Variants in MUC5AC observed in about 807,000 individuals in gnomAD.
MUC5AC encodes the protein mucin 5AC, oligomeric mucus/gel-forming.
Under a neutral mutation model 169.7 loss-of-function variants are expected in MUC5AC, and 158 were observed. The ratio of observed to expected loss-of-function variants is 0.93; its 90% CI spans 0.82 to 1.06. The LOEUF is 1.06. Ranked by LOEUF, MUC5AC falls within the 50% of genes least tolerant of loss-of-function variation. MUC5AC has a pLI of 0.00. For missense variants in MUC5AC, 4,359 were observed against 3,089.9 expected, an observed-to-expected ratio of 1.41 and a Z score of -9.74; for synonymous variants, 1,975 against 1,237.0, an observed-to-expected ratio of 1.60 and a Z score of -12.52.
At position 1,182,782 on chromosome 11, in the gene MUC5AC, C is replaced by T. The variant is rs878939470; in HGVS notation, c.4637C>T (p.Pro1546Leu). ...TFSTPSPPPV[P>L]ATSTSSMSTT... ...TCAACTCCCAGCCCTCCGCCAGTGCCGGCAACATCAACATCATCCATGTCG... is the reference window on the plus strand; with the variant it reads ...TCAACTCCCAGCCCTCCGCCAGTGCTGGCAACATCAACATCATCCATGTCG... Residue 1546 changes from proline to leucine, a missense_variant, in exon 31 of 49, where the codon CCG (proline) becomes CTG (leucine). Coordinates refer to ENST00000621226, the MANE Select transcript of MUC5AC (RefSeq NM_001304359.2). 4.0e-5 allele frequency: 16 copies of T among 397,894 alleles called. No homozygotes were observed. The highest frequency in any genetic ancestry group is 2.7e-5 in the Non-Finnish European group (6 of 225,912). The allele number at this position is 397,894 out of a possible 1,614,324, so 24.6% of individuals were successfully genotyped here.
At chr11:1,172,243 G>A (rs1860566987) in intron 15 of MUC5AC, among the ~76,000 whole-genome samples, 186 bp from the exon 16 acceptor site, 2 of 152,238 alleles carry the variant, frequency 1.3e-5, no homozygotes, top group South Asian at 4.1e-4. Context: ...TGTACCCTGC[G>A]TTTGGGGGAG....
chr11:1,195,647 G>A (rs1861251924), intron 36 of MUC5AC, among the ~76,000 whole-genome samples: 1 of 145,854 alleles, frequency 6.9e-6, no homozygotes, highest in African/African-American at 2.6e-5. Flanking sequence ...CCAGGAAGAA[G>A]AACTTGCAGA....
chr11:1,193,555 G>T lies in MUC5AC; in HGVS notation c.14651G>T (p.Arg4884Leu), dbSNP rs561191121. 2 of 764,056 alleles carry T rather than the reference G, an allele frequency of 2.6e-6. No individual in the cohort carries two copies. The highest frequency in any genetic ancestry group is 2.4e-5 in the East Asian group (1 of 41,204). 47.3% of individuals were successfully genotyped at this position (764,056 alleles called of 1,614,324 possible). The stretch of plus-strand genomic sequence containing the variant: ...GAGGGCAACAACGTCATCTCCCTGC[G>T]CCCGCGCACGTGCCCGAGGGTGGAG... ...TCEGNNVISLRPRTCPRVEKP... is the reference protein window; with the variant it reads ...TCEGNNVISLLPRTCPRVEKP... The change falls in exon 33 of 49, where the codon CGC becomes CTC. Residue 4884 changes from arginine to leucine, a missense_variant. By Grantham distance (102) the Arg-to-Leu change is moderately radical. Transcript: ENST00000621226.
In MUC5AC at chr11:1,162,542, C is replaced by A; in HGVS notation, c.484C>A (p.Pro162Thr). Reference sequence around the variant, plus strand: ...TGCCTTCCTCCACAGGGTCCTGCTGCCCTTCAGCCAGTCTGGGGTCCTCAT... The same window carrying A: ...TGCCTTCCTCCACAGGGTCCTGCTGACCTTCAGCCAGTCTGGGGTCCTCAT... ...VLVNGHPVLL[P>T]FSQSGVLIQQ... The change falls in exon 5 of 49, where the codon CCC becomes ACC. Residue 162 changes from proline to threonine, a missense_variant. Physicochemically the swap from Pro to Thr is conservative, Grantham distance 38. Transcript: ENST00000621226. 6.2e-7 allele frequency: 1 copy of A among 1,612,606 alleles called. No homozygotes were observed. The highest frequency in any genetic ancestry group is 8.5e-7 in the Non-Finnish European group (1 of 1,179,804).
intron 7 of MUC5AC, 33 bp downstream of exon 7, chr11:1,164,024 G>C (rs1860228189): frequency 6.2e-7 from 1 of 1,609,308 alleles, no homozygotes; most frequent in African/African-American, 1.3e-5. Flanking sequence ...GGCCCAGCAG[G>C]TTGAGCAGGA....
In MUC5AC at chr11:1,189,855, A is replaced by G; in HGVS notation, c.11710A>G (p.Thr3904Ala). Residue 3904 changes from threonine (T) to alanine (A), a missense_variant, in exon 31 of 49, where the codon ACC becomes GCC. By Grantham distance (58) the Thr-to-Ala change is moderately conservative. Coordinates refer to ENST00000621226, the MANE Select transcript of MUC5AC (RefSeq NM_001304359.2). Reference sequence around the variant, plus strand: ...AAGCTCCACTCCACAGACCAGCAAAACCTCAGCTGCTACAAGCAGCACAAC... The same window carrying G: ...AAGCTCCACTCCACAGACCAGCAAAGCCTCAGCTGCTACAAGCAGCACAAC... ...STSSTPQTSK[T>A]SAATSSTTSG... 1.3e-6 allele frequency: 1 copy of G among 763,042 alleles called. No homozygotes were observed. The highest frequency in any genetic ancestry group is 2.4e-6 in the Non-Finnish European group (1 of 416,798). The allele number at this position is 763,042 out of a possible 1,614,324, so 47.3% of individuals were successfully genotyped here.
chr11:1,168,578 C>T (rs768547886), intron 13 of MUC5AC, 26 bp downstream of exon 13: 2 of 1,612,406 alleles, frequency 1.2e-6, no homozygotes, highest in Non-Finnish European at 8.5e-7. Flanking sequence ...TCTTCCCCAC[C>T]CCGGGGCTGC....
intron 15 of MUC5AC, among the ~76,000 whole-genome samples, chr11:1,171,315 C>A (rs1860518765): frequency 7.5e-6 from 1 of 132,780 alleles, no homozygotes. Flanking sequence ...CCTACTCACT[C>A]AGTCACCTCA....
chr11:1,180,767 G>C (rs1860798691), intron 28 of MUC5AC, among the ~76,000 whole-genome samples: 1 of 152,142 alleles, frequency 6.6e-6, no homozygotes, highest in African/African-American at 2.4e-5. Context: ...ACAACCTCTG[G>C]GGAGCAGGCT....
chr11:1,179,382 G>C lies in MUC5AC; in HGVS notation c.3484+134G>C, dbSNP rs929326359. ...AAATAAACAGAAACACCTGGGCCCA[G>C]AGAGGAGGGCGTGGCTGACAGAGGG... is the stretch of plus-strand genomic sequence containing the variant. On this transcript the variant is annotated intron_variant, in intron 26 of 48. Transcript: ENST00000621226. The C allele has an allele frequency of 2.6e-4, 122 of 471,770 alleles. 1 individual carries two copies. The Middle Eastern group carries it at 3.8e-3, about 15-fold the overall frequency. 29.2% of individuals were successfully genotyped at this position (471,770 alleles called of 1,614,324 possible). A position where few individuals can be genotyped will look rare whatever the true frequency, so the allele number is the denominator to read the frequency against.
At position 1,190,368 on chromosome 11, in the gene MUC5AC, A is replaced by C; in HGVS notation, c.12223A>C (p.Thr4075Pro). The change falls in exon 31 of 49, where the codon ACC becomes CCC. Residue 4075 changes from threonine (T) to proline (P), a missense_variant. Transcript: ENST00000621226. ...TCCTAGCACCCCTAGTGGGAGAGCC[A>C]CCAGCCCAACTCAGAGCACTTCCTC... The part of the protein sequence containing the change: ...TAPSTPSGRA[T>P]SPTQSTSSWQ... The C allele has an allele frequency of 1.5e-6, 1 of 652,552 alleles. No individual in the cohort carries two copies. Among genetic ancestry groups the C allele is most frequent in the African/African-American group, 1.8e-5 (1 of 55,760 alleles). 40.4% of individuals were successfully genotyped at this position (652,552 alleles called of 1,614,324 possible). A position where few individuals can be genotyped will look rare whatever the true frequency, so the allele number is the denominator to read the frequency against.
chr11:1,199,927 G>C lies in MUC5AC; in HGVS notation c.16658G>C (p.Arg5553Pro), dbSNP rs374285103. The change falls in exon 48 of 49, where the codon CGC (arginine) becomes CCC (proline). Residue 5553 changes from arginine to proline, a missense_variant. Transcript: ENST00000621226. ...QQGCSSSEPV[R>P]LAYCRGNCGD... ...GGCTGCAGCTCCTCGGAGCCCGTGC[G>C]CCTGGCTTACTGCCGGGGGAACTGT... The C allele has an allele frequency of 2.1e-5, 16 of 764,230 alleles. No individual in the cohort carries two copies. Among genetic ancestry groups the C allele is most frequent in the Non-Finnish European group, 3.6e-5 (15 of 417,580 alleles). 47.3% of individuals were successfully genotyped at this position (764,230 alleles called of 1,614,324 possible).
Position 1,185,165 on chromosome 11 carries a change from A to G in MUC5AC, c.7020A>G (p.Thr2340=), listed in dbSNP as rs1860905836. ...TSTTSAPTSS[T]TSGPGTTPSP... ...CAACCTCTGCCCCTACAAGCAGCAC[A>G]ACCTCTGGTCCTGGAACTACTCCCA... Residue 2340 remains threonine, a synonymous_variant, in exon 31 of 49, where the codon ACA becomes ACG. Coordinates refer to ENST00000621226, the MANE Select transcript of MUC5AC (RefSeq NM_001304359.2). The G allele has an allele frequency of 2.1e-5, 15 of 730,904 alleles. No individual in the cohort carries two copies. The highest frequency in any genetic ancestry group is 2.5e-5 in the Non-Finnish European group (10 of 400,716). 45.3% of individuals were successfully genotyped at this position (730,904 alleles called of 1,614,324 possible). A position where few individuals can be genotyped will look rare whatever the true frequency, so the allele number is the denominator to read the frequency against.
Position 1,160,767 on chromosome 11 carries a change from C to T in MUC5AC, c.151+78C>T. The T allele has an allele frequency of 2.8e-6, 4 of 1,433,280 alleles. No homozygotes were observed. The South Asian group carries it at 4.9e-5, about 18-fold the overall frequency. The allele number at this position is 1,433,280 out of a possible 1,614,324, so 88.8% of individuals were successfully genotyped here. ...CCGTGTGGCACGGCCCCTAGGGCCA[C>T]TGGTCTTAGGGTGGCTCCCCAGCTG... On this transcript the variant is annotated intron_variant, in intron 2 of 48. Transcript: ENST00000621226.
chr11:1,196,951 G>T (rs1201786151), intron 40 of MUC5AC, 43 bp downstream of exon 40: 8 of 750,450 alleles, frequency 1.1e-5, no homozygotes, highest in East Asian at 4.9e-5. Context: ...GGGTCCAAGA[G>T]CCCGAGGAGG....
chr11:1,194,569 C>G lies in MUC5AC; in HGVS notation c.15089C>G (p.Ala5030Gly), dbSNP rs55715525. 1.3e-6 allele frequency: 1 copy of G among 764,256 alleles called. No homozygotes were observed. Among genetic ancestry groups the G allele is most frequent in the Non-Finnish European group, 2.4e-6 (1 of 417,584 alleles). 47.3% of individuals were successfully genotyped at this position (764,256 alleles called of 1,614,324 possible). The change falls in exon 35 of 49, where the codon GCG (alanine) becomes GGG (glycine). Residue 5030 changes from alanine (A) to glycine (G), a missense_variant. Coordinates refer to ENST00000621226, the MANE Select transcript of MUC5AC (RefSeq NM_001304359.2). ...VVSRIGVKMY[A>G]TIPELGVQVM... ...TCGCGCATCGGCGTCAAGATGTACG[C>G]GACCATCCCGGAGCTGGGAGTCCAG... is the stretch of plus-strand genomic sequence containing the variant.
Position 1,164,296 on chromosome 11 carries a change from A to G in MUC5AC, c.980A>G (p.Asp327Gly). ...ACCCATGCAGGGGGGTTGCCCCAGG[A>G]CTGGCGGGGCCCTGACTTCTGCCGT... ...QCTHAGGLPQ[D>G]WRGPDFCPQK... is the part of the protein sequence containing the mutation. The change falls in exon 8 of 49, where the codon GAC becomes GGC. Residue 327 changes from aspartate to glycine, a missense_variant. Transcript: ENST00000621226. 1 of 1,612,322 alleles carries G rather than the reference A, an allele frequency of 6.2e-7. No individual in the cohort carries two copies. Among genetic ancestry groups the G allele is most frequent in the East Asian group, 2.2e-5 (1 of 44,868 alleles).
Position 1,188,796 on chromosome 11 carries a change from A to T in MUC5AC, c.10651A>T (p.Ile3551Phe). The T allele has an allele frequency of 1.3e-6, 1 of 753,856 alleles. No homozygotes were observed. Among genetic ancestry groups the T allele is most frequent in the East Asian group, 2.4e-5 (1 of 41,150 alleles). The allele number at this position is 753,856 out of a possible 1,614,324, so 46.7% of individuals were successfully genotyped here. The change falls in exon 31 of 49, where the codon ATC becomes TTC. Residue 3551 changes from isoleucine to phenylalanine, a missense_variant. Transcript: ENST00000621226. ...GGDKETYNNI[I>F]RSGEKICRRP... is the part of the protein sequence containing the mutation. The stretch of plus-strand genomic sequence containing the variant: ...GGACAAGGAAACCTACAACAACATC[A>T]TCAGGAGTGGGGAAAAAATCTGCCG...
Position 1,177,290 on chromosome 11 carries a change from C to T in MUC5AC, c.2853C>T (p.Val951=). 1 of 455,368 alleles carries T rather than the reference C, an allele frequency of 2.2e-6. No individual in the cohort carries two copies. Among genetic ancestry groups the T allele is most frequent in the Non-Finnish European group, 3.9e-6 (1 of 255,842 alleles). 28.2% of individuals were successfully genotyped at this position (455,368 alleles called of 1,614,324 possible). ...CCTTTCGTGTTGTCACCGAGAACGT[C>T]CCCTGCGGCACCACAGGGACCACCT... ...QDSFRVVTEN[V]PCGTTGTTCS... Residue 951 remains valine (V), a synonymous_variant, in exon 23 of 49, where the codon GTC becomes GTT. Coordinates refer to ENST00000621226, the MANE Select transcript of MUC5AC (RefSeq NM_001304359.2).
Sources: allele counts gnomAD v4.1 joint callset (sites outside exome capture counted in the v4.1 genomes callset), GRCh38; gene constraint gnomAD v4.1.1; transcripts MANE v1.5; gene names NCBI Gene and HGNC (gene_info 2026-07-23, HGNC 2026-07-21).